The following OR10W1 variants were observed in gnomAD, a reference collection of about 807,000 sequenced individuals.
OR10W1 encodes olfactory receptor family 10 subfamily W member 1, also known as olfactory receptor 10W1.
For missense variants in OR10W1, 406 were observed against 365.8 expected (o/e 1.11, Z -0.90); for synonymous variants, 152 against 151.6 (o/e 1.00, Z -0.02).
At position 58,267,563 on chromosome 11, in the gene OR10W1, C is replaced by T; in HGVS notation, c.296G>A (p.Gly99Asp). Residue 99 changes from glycine (G) to aspartate (D), a missense_variant, in exon 1 of 1, where the codon GGC becomes GAC. By Grantham distance (94) the Gly-to-Asp change is moderately conservative. Transcript: ENST00000395079. The part of the protein sequence containing the change: ...ATQMAFFIAL[G>D]SADCFLLAAM... ...AGCCAAGAGGAAGCAATCAGCACTG[C>T]CCAGTGCAATGAAGAAAGCCATCTG... 6.2e-7 allele frequency: 1 copy of T among 1,614,130 alleles called. No homozygotes were observed. Among genetic ancestry groups the T allele is most frequent in the Non-Finnish European group, 8.5e-7 (1 of 1,180,014 alleles).
rs759097882 is a variant in OR10W1, at chr11:58,267,049, T to C, written c.810A>G (p.Thr270=). 5 of 1,613,842 alleles carry C rather than the reference T, an allele frequency of 3.1e-6. No individual in the cohort carries two copies. The East Asian group carries it at 8.9e-5, about 29-fold the overall frequency. ...GTGGGTTGAGCAGTGGGGTTCCCAA[T>C]GTGTACACCAGTGAGATGAACCGAT... ...KQDRFISLVY[T]LGTPLLNPLI... The change falls in exon 1 of 1, where the codon ACA becomes ACG. Residue 270 remains threonine, a synonymous_variant. Coordinates refer to ENST00000395079, the MANE Select transcript of OR10W1 (RefSeq NM_207374.3).
rs746198622 is a variant in OR10W1 at position 58,267,285 on chromosome 11, C to T, written c.574G>A (p.Val192Met). 2 of 1,614,108 alleles carry T rather than the reference C, an allele frequency of 1.2e-6. No homozygotes were observed. The highest frequency in any genetic ancestry group is 2.2e-5 in the East Asian group (1 of 44,846). The change falls in exon 1 of 1, where the codon GTG becomes ATG. Residue 192 changes from valine (V) to methionine (M), a missense_variant. Physicochemically the swap from Val to Met is conservative, Grantham distance 21 (BLOSUM62 1). Transcript: ENST00000395079. ...ACAGCAATGGCTAGTATGGCTGCCA[C>T]CAGCACTGACTGCTCATGAATGTGA... ...QSHIHEQSVLVAAILAIAVPF... is the reference protein window; with the variant it reads ...QSHIHEQSVLMAAILAIAVPF...
Position 58,268,157 on chromosome 11 carries a change from A to G in OR10W1, c.-299T>C. 3.0e-6 allele frequency: 1 copy of G among 330,698 alleles called. No individual in the cohort carries two copies. The highest frequency in any genetic ancestry group is 5.9e-6 in the Non-Finnish European group (1 of 170,252). The allele number at this position is 330,698 out of a possible 1,614,324, so 20.5% of individuals were successfully genotyped here. On this transcript the variant is annotated 5_prime_UTR_variant, in exon 1 of 1. Coordinates refer to ENST00000395079, the MANE Select transcript of OR10W1 (RefSeq NM_207374.3). ...ATGGCAGAGGAAGTGGGTGGGATTC[A>G]GGAGCTATTTTCAGAAAGAGTGGAA...
chr11:58,267,315 G>A lies in OR10W1; in HGVS notation c.544C>T (p.Gln182Ter). The A allele has an allele frequency of 6.2e-7, 1 of 1,614,120 alleles. No individual in the cohort carries two copies. The highest frequency in any genetic ancestry group is 8.5e-7 in the Non-Finnish European group (1 of 1,180,010). ...ACTGACTGCTCATGAATGTGACTCTGAGCACAAACAACATGCATGACTGGT... is the reference window on the plus strand; with the variant it reads ...ACTGACTGCTCATGAATGTGACTCTAAGCACAAACAACATGCATGACTGGT... ...VPPVMHVVCAQSHIHEQSVLV... is the reference protein window; with the variant it reads ...VPPVMHVVCA The change falls in exon 1 of 1, where the codon CAG becomes TAG. Residue 182 changes from glutamine to a stop codon, truncating the protein, a stop_gained. Coordinates refer to ENST00000395079, the MANE Select transcript of OR10W1 (RefSeq NM_207374.3). LOFTEE classifies it low-confidence loss of function (END_TRUNC).
rs1407053959 is a variant in OR10W1 at position 58,267,650 on chromosome 11, G to A, written c.209C>T (p.Pro70Leu). 3 of 1,614,124 alleles carry A rather than the reference G, an allele frequency of 1.9e-6. No individual in the cohort carries two copies. In the South Asian group the frequency reaches 3.3e-5, roughly 18 times the overall value. Residue 70 changes from proline (P) to leucine (L), a missense_variant, in exon 1 of 1, where the codon CCC becomes CTC. Transcript: ENST00000395079. ...CTGTAGGGTGTTGGCCAGGATATGG[G>A]GCACCACCACTGCAGTGTAGCATAT... The part of the protein sequence containing the change: ...IEICYTAVVV[P>L]HILANTLQSE...
Position 58,267,141 on chromosome 11 carries a change from G to T in OR10W1, c.718C>A (p.Leu240Met). 1 of 1,614,138 alleles carries T rather than the reference G, an allele frequency of 6.2e-7. No individual in the cohort carries two copies. The stretch of plus-strand genomic sequence containing the variant: ...AAGGCACAGCAGCCATACTGCAGCA[G>T]CACCACAGTGAGGTGGGAAGAGCAG... Reference protein sequence around the residue: ...STCSSHLTVVLLQYGCCAFMY... With the variant: ...STCSSHLTVVMLQYGCCAFMY... The change falls in exon 1 of 1, where the codon CTG becomes ATG. Residue 240 changes from leucine (L) to methionine (M), a missense_variant. Leu to Met is a conservative substitution (Grantham distance 15, BLOSUM62 2). Coordinates refer to ENST00000395079, the MANE Select transcript of OR10W1 (RefSeq NM_207374.3).
At position 58,266,877 on chromosome 11, in the gene OR10W1, G is replaced by T; in HGVS notation, c.*64C>A. ...TTAACACCAAATGATAGAAATCTCAGTTTCATACAGATTTGGTGGGCTGGA... is the reference window on the plus strand; with the variant it reads ...TTAACACCAAATGATAGAAATCTCATTTTCATACAGATTTGGTGGGCTGGA... On this transcript the variant is annotated 3_prime_UTR_variant, in exon 1 of 1. Coordinates refer to ENST00000395079, the MANE Select transcript of OR10W1 (RefSeq NM_207374.3). 1 of 1,292,840 alleles carries T rather than the reference G, an allele frequency of 7.7e-7. No homozygotes were observed. Among genetic ancestry groups the T allele is most frequent in the Non-Finnish European group, 1.1e-6 (1 of 935,346 alleles). The allele number at this position is 1,292,840 out of a possible 1,614,324, so 80.1% of individuals were successfully genotyped here.
chr11:58,268,234 G>T lies in OR10W1; in HGVS notation c.-376C>A, dbSNP rs1188905462. ...CACAAGAAAGTGTCAAGGAATTCTT[G>T]GGGCTAGAAATCATTAAGGTAAGGG... On this transcript the variant is annotated 5_prime_UTR_variant, in exon 1 of 1. Transcript: ENST00000395079. 4.5e-6 allele frequency: 1 copy of T among 222,792 alleles called. No individual in the cohort carries two copies. Among genetic ancestry groups the T allele is most frequent in the Admixed American group, 5.1e-5 (1 of 19,444 alleles). 13.8% of individuals were successfully genotyped at this position (222,792 alleles called of 1,614,324 possible).
Position 58,266,856 on chromosome 11 carries a change from C to T in OR10W1, c.*85G>A. ...ATACCATCTTTTAGATGAGTTTTAA[C>T]ACCAAATGATAGAAATCTCAGTTTC... On this transcript the variant is annotated 3_prime_UTR_variant, in exon 1 of 1. Transcript: ENST00000395079. The T allele has an allele frequency of 1.8e-6, 2 of 1,105,794 alleles. No homozygotes were observed. The highest frequency in any genetic ancestry group is 1.3e-6 in the Non-Finnish European group (1 of 767,742). The allele number at this position is 1,105,794 out of a possible 1,614,324, so 68.5% of individuals were successfully genotyped here. A position where few individuals can be genotyped will look rare whatever the true frequency, so the allele number is the denominator to read the frequency against.
rs1214474292 is a variant in OR10W1 at position 58,267,128 on chromosome 11, C to T, written c.731G>A (p.Gly244Asp). 6 of 1,613,960 alleles carry T rather than the reference C, an allele frequency of 3.7e-6. No homozygotes were observed. Among genetic ancestry groups the T allele is most frequent in the Non-Finnish European group, 5.1e-6 (6 of 1,180,000 alleles). Residue 244 changes from glycine (G) to aspartate (D), a missense_variant, in exon 1 of 1, where the codon GGC becomes GAC. Transcript: ENST00000395079. ...SHLTVVLLQYGCCAFMYLCPS... is the reference protein window; with the variant it reads ...SHLTVVLLQYDCCAFMYLCPS... Reference sequence around the variant, plus strand: ...GCACAGGTACATGAAGGCACAGCAGCCATACTGCAGCAGCACCACAGTGAG... The same window carrying T: ...GCACAGGTACATGAAGGCACAGCAGTCATACTGCAGCAGCACCACAGTGAG...
Position 58,266,952 on chromosome 11 carries a change from G to C in OR10W1, c.907C>G (p.Gln303Glu), listed in dbSNP as rs1182357419. The C allele has an allele frequency of 1.9e-6, 3 of 1,548,780 alleles. No homozygotes were observed. The highest frequency in any genetic ancestry group is 2.6e-6 in the Non-Finnish European group (3 of 1,143,818). Residue 303 changes from glutamine to glutamate, a missense_variant, in exon 1 of 1, where the codon CAG becomes GAG. Coordinates refer to ENST00000395079, the MANE Select transcript of OR10W1 (RefSeq NM_207374.3). ...TCCCCTCGTCTTTCCTAGCTGTTCT[G>C]GGAAAGGCAGTTCCTGGTAAGAACT... is the stretch of plus-strand genomic sequence containing the variant. ...GRVLTRNCLSQNS is the reference protein window; with the variant it reads ...GRVLTRNCLSENS
chr11:58,267,419 G>C lies in OR10W1; in HGVS notation c.440C>G (p.Ser147Cys). 1.2e-6 allele frequency: 2 copies of C among 1,613,730 alleles called. No individual in the cohort carries two copies. Among genetic ancestry groups the C allele is most frequent in the Non-Finnish European group, 1.7e-6 (2 of 1,179,856 alleles). The change falls in exon 1 of 1, where the codon TCC becomes TGC. Residue 147 changes from serine to cysteine, a missense_variant. Ser to Cys is a moderately radical substitution (Grantham distance 112). Coordinates refer to ENST00000395079, the MANE Select transcript of OR10W1 (RefSeq NM_207374.3). Reference sequence around the variant, plus strand: ...GAAGATGAAGGCCACCAGTTGTAAGGACAGGAACAGACCACTGATGACTGA... The same window carrying C: ...GAAGATGAAGGCCACCAGTTGTAAGCACAGGAACAGACCACTGATGACTGA... Reference protein sequence around the residue: ...VASVISGLFLSLQLVAFIFSL... With the variant: ...VASVISGLFLCLQLVAFIFSL...
At position 58,268,042 on chromosome 11, in the gene OR10W1, T is replaced by C. The variant is rs982521522; in HGVS notation, c.-184A>G. 1.5e-5 allele frequency: 9 copies of C among 597,228 alleles called. No homozygotes were observed. The highest frequency in any genetic ancestry group is 2.4e-5 in the Non-Finnish European group (8 of 329,714). The allele number at this position is 597,228 out of a possible 1,614,324, so 37.0% of individuals were successfully genotyped here. A position where few individuals can be genotyped will look rare whatever the true frequency, so the allele number is the denominator to read the frequency against. On this transcript the variant is annotated 5_prime_UTR_variant, in exon 1 of 1. Coordinates refer to ENST00000395079, the MANE Select transcript of OR10W1 (RefSeq NM_207374.3). The stretch of plus-strand genomic sequence containing the variant: ...GACTAGTTCTTTTTCTTTTCTCCAC[T>C]TTTACCAAGTTTCTCCACATTAATA...
chr11:58,267,210 G>T lies in OR10W1; in HGVS notation c.649C>A (p.Leu217Ile), dbSNP rs767624670. 19 of 1,614,052 alleles carry T rather than the reference G, an allele frequency of 1.2e-5. No homozygotes were observed. The highest frequency in any genetic ancestry group is 1.5e-5 in the Non-Finnish European group (18 of 1,180,014). ...CGGCCAGCAGCCGAGTGGATCTTGA[G>T]CAGAGCAGCCACTATGAAGGTGTAG... ...TSYTFIVAAL[L>I]KIHSAAGRHR... The change falls in exon 1 of 1, where the codon CTC becomes ATC. Residue 217 changes from leucine (L) to isoleucine (I), a missense_variant. Physicochemically the swap from Leu to Ile is conservative, Grantham distance 5. Coordinates refer to ENST00000395079, the MANE Select transcript of OR10W1 (RefSeq NM_207374.3).
rs774207164 is a variant in OR10W1 at position 58,267,048 on chromosome 11, A to G, written c.811T>C (p.Leu271=). 3.5e-5 allele frequency: 57 copies of G among 1,613,978 alleles called. 1 individual carries two copies. The East Asian group carries it at 1.1e-3, about 32-fold the overall frequency. The change falls in exon 1 of 1, where the codon TTG becomes CTG. Residue 271 remains leucine, a synonymous_variant. Coordinates refer to ENST00000395079, the MANE Select transcript of OR10W1 (RefSeq NM_207374.3). ...QDRFISLVYT[L]GTPLLNPLIY... ...AGTGGGTTGAGCAGTGGGGTTCCCA[A>G]TGTGTACACCAGTGAGATGAACCGA...
rs1398272983 is a variant in OR10W1 at position 58,267,208 on chromosome 11, G to C, written c.651C>G (p.Leu217=). Residue 217 remains leucine (L), a synonymous_variant, in exon 1 of 1, where the codon CTC becomes CTG. Coordinates refer to ENST00000395079, the MANE Select transcript of OR10W1 (RefSeq NM_207374.3). ...GGCGGCCAGCAGCCGAGTGGATCTT[G>C]AGCAGAGCAGCCACTATGAAGGTGT... is the stretch of plus-strand genomic sequence containing the variant. ...TSYTFIVAAL[L]KIHSAAGRHR... is the part of the protein sequence containing the mutation. 6.2e-7 allele frequency: 1 copy of C among 1,614,056 alleles called. No homozygotes were observed. Among genetic ancestry groups the C allele is most frequent in the African/African-American group, 1.3e-5 (1 of 74,942 alleles).
chr11:58,267,518 T>C lies in OR10W1; in HGVS notation c.341A>G (p.Tyr114Cys). 6.2e-7 allele frequency: 1 copy of C among 1,614,054 alleles called. No individual in the cohort carries two copies. The highest frequency in any genetic ancestry group is 8.5e-7 in the Non-Finnish European group (1 of 1,179,996). The change falls in exon 1 of 1, where the codon TAT becomes TGT. Residue 114 changes from tyrosine (Y) to cysteine (C), a missense_variant. Coordinates refer to ENST00000395079, the MANE Select transcript of OR10W1 (RefSeq NM_207374.3). Reference protein sequence around the residue: ...FLLAAMAYDRYVAICHPLQYP... With the variant: ...FLLAAMAYDRCVAICHPLQYP... ...CTGCAACGGGTGGCAAATGGCCACA[T>C]AGCGGTCATAGGCCATGGCAGCCAA...
At position 58,267,227 on chromosome 11, in the gene OR10W1, A is replaced by T; in HGVS notation, c.632T>A (p.Phe211Tyr). 1 of 1,614,168 alleles carries T rather than the reference A, an allele frequency of 6.2e-7. No individual in the cohort carries two copies. The highest frequency in any genetic ancestry group is 8.5e-7 in the Non-Finnish European group (1 of 1,180,002). ...PFFLITTSYT[F>Y]IVAALLKIHS... ...GATCTTGAGCAGAGCAGCCACTATG[A>T]AGGTGTAGGAGGTGGTGATGAGGAA... The change falls in exon 1 of 1, where the codon TTC (phenylalanine) becomes TAC (tyrosine). Residue 211 changes from phenylalanine to tyrosine, a missense_variant. By Grantham distance (22) the Phe-to-Tyr change is conservative. Transcript: ENST00000395079.
chr11:58,266,926 G>A lies in OR10W1; in HGVS notation c.*15C>T. The A allele has an allele frequency of 1.3e-6, 2 of 1,517,470 alleles. No homozygotes were observed. The highest frequency in any genetic ancestry group is 1.8e-6 in the Non-Finnish European group (2 of 1,130,172). 94.0% of individuals were successfully genotyped at this position (1,517,470 alleles called of 1,614,324 possible). A position where few individuals can be genotyped will look rare whatever the true frequency, so the allele number is the denominator to read the frequency against. On this transcript the variant is annotated 3_prime_UTR_variant, in exon 1 of 1. Transcript: ENST00000395079. ...GAACCAAATACTTGCCTGATAGGCT[G>A]TCCCCTCGTCTTTCCTAGCTGTTCT... is the stretch of plus-strand genomic sequence containing the variant.
Sources: gnomAD v4.1 joint callset for allele counts on GRCh38, gnomAD v4.1.1 for gene constraint, MANE v1.5 for transcripts, NCBI Gene and HGNC (gene_info 2026-07-23, HGNC 2026-07-21) for gene names.